Variants in FNBP1 observed in about 807,000 individuals in gnomAD.
FNBP1 encodes formin-binding protein 1.
A neutral mutation model predicts 90.6 loss-of-function variants in FNBP1; 26 were observed. The ratio of observed to expected loss-of-function variants is 0.29; its 90% CI spans 0.21 to 0.40. The LOEUF (loss-of-function observed/expected upper bound fraction) is 0.40. Among genes scored for constraint, FNBP1 ranks in the 10% least tolerant of loss-of-function variants. FNBP1 has a pLI of 1.00. For missense variants in FNBP1, 635 were observed against 768.0 expected (o/e 0.83, Z 2.05); for synonymous variants, 260 against 265.2 (o/e 0.98, Z 0.19).
At chr9:129,951,895 T>C (rs943029725) in intron 6 of FNBP1, among the ~76,000 whole-genome samples, 1 of 152,062 alleles carries the variant, frequency 6.6e-6, no homozygotes, top group African/African-American at 2.4e-5. Context: ...GTGAAAAGCA[T>C]GACAAACAAG....
At chr9:130,039,643 T>A (rs1340838882) in intron 1 of FNBP1, among the ~76,000 whole-genome samples, 1 of 143,658 alleles carries the variant, frequency 7.0e-6, no homozygotes, top group Non-Finnish European at 1.5e-5. Flanking sequence ...GACAGTGCAC[T>A]CCAGCCTGGG....
At chr9:129,942,134 G>GA (rs1419382743) in intron 6 of FNBP1, among the ~76,000 whole-genome samples, 1 of 151,172 alleles carries the variant, frequency 6.6e-6, no homozygotes, top group African/African-American at 2.4e-5. Context: ...TGTCAACCTA[G>GA]AATTCTATAT....
chr9:129,967,313 C>T (rs373397425), intron 4 of FNBP1, among the ~76,000 whole-genome samples: 315 of 152,226 alleles, frequency 2.1e-3, no homozygotes, highest in African/African-American at 7.3e-3. Context: ...GACAGGACTC[C>T]GGGATCAGCC....
At chr9:129,895,620 T>G in intron 16 of FNBP1, 1 of 1,238,174 alleles carries the variant, frequency 8.1e-7, no homozygotes. Context: ...CACATAAAAT[T>G]TCATCAGCAA....
At chr9:129,941,040 C>A (rs564459204) in intron 6 of FNBP1, among the ~76,000 whole-genome samples, 1 of 152,150 alleles carries the variant, frequency 6.6e-6, no homozygotes, top group African/African-American at 2.4e-5. Flanking sequence ...AAGGGAAATA[C>A]AAGGTCTTCA....
At chr9:129,933,393 T>A (rs201341698) in intron 6 of FNBP1, 1 of 152,330 alleles carries the variant, frequency 6.6e-6, no homozygotes, top group East Asian at 1.9e-4. Context: ...GAAGTGGCTG[T>A]GATCCTCTTC....
chr9:129,905,649 G>A (rs1303855454), intron 12 of FNBP1, among the ~76,000 whole-genome samples: 6 of 148,638 alleles, frequency 4.0e-5, no homozygotes, highest in African/African-American at 9.7e-5. Flanking sequence ...TTCTTTTTCC[G>A]ACTTCTTGAG....
chr9:130,029,284 G>A (rs1374135109), intron 1 of FNBP1, among the ~76,000 whole-genome samples: 2 of 151,830 alleles, frequency 1.3e-5, no homozygotes, highest in East Asian at 3.9e-4. Flanking sequence ...GCCACCTCTG[G>A]CTAATTTTTT....
intron 6 of FNBP1, among the ~76,000 whole-genome samples, chr9:129,938,555 T>TTTTTTTTTG (rs1381927359): frequency 6.6e-6 from 1 of 151,700 alleles, no homozygotes; most frequent in African/African-American, 2.4e-5. Context: ...TTTTTTTTTT[T>TTTTTTTTTG]GAAAACAGTC....
intron 8 of FNBP1, 31 bp downstream of exon 8, chr9:129,927,164 T>C: frequency 6.2e-7 from 1 of 1,609,094 alleles, no homozygotes; most frequent in Non-Finnish European, 8.5e-7. Context: ...CTGCAAATAG[T>C]TATCAATGAA....
intron 6 of FNBP1, among the ~76,000 whole-genome samples, chr9:129,947,984 T>TAA (rs540379042): frequency 4.4e-5 from 6 of 135,066 alleles, no homozygotes; most frequent in Non-Finnish European, 4.8e-5. Flanking sequence ...CCCTTAAATT[T>TAA]AAAAAAAAAA....
chr9:129,950,137 G>C (rs190693184), intron 6 of FNBP1, among the ~76,000 whole-genome samples: 34 of 152,326 alleles, frequency 2.2e-4, no homozygotes. Flanking sequence ...CCTCCAGTTA[G>C]CTTGACGCTG....
chr9:129,922,172 A>G lies in FNBP1; in HGVS notation c.1170+1672T>C, dbSNP rs566840984. 1.4e-4 allele frequency among the ~76,000 whole-genome samples: 22 copies of G among 152,344 alleles called. 1 individual carries two copies. The highest frequency in any genetic ancestry group is 1.4e-3 in the Admixed American group (21 of 15,300). On this transcript the variant is annotated intron_variant, in intron 10 of 16. Coordinates refer to ENST00000446176, the MANE Select transcript of FNBP1 (RefSeq NM_015033.3). ...CTGTTTACTCATTATATTCATTATA[A>G]AAGATATTTTGGGAAGGCTTAGACT... is the stretch of plus-strand genomic sequence containing the variant.
chr9:129,981,148 G>A (rs2051188041), intron 2 of FNBP1, among the ~76,000 whole-genome samples: 1 of 152,006 alleles, frequency 6.6e-6, no homozygotes, highest in South Asian at 2.1e-4. Context: ...GAGTGCAGTG[G>A]CATGATCTTG....
chr9:129,929,418 A>G, intron 7 of FNBP1, 149 bp downstream of exon 7: 8 of 750,908 alleles, frequency 1.1e-5, no homozygotes, highest in South Asian at 6.5e-5. Context: ...TCAAAAAAAA[A>G]AAAAAAAAAA....
In FNBP1 at chr9:129,961,851, G is replaced by C. The variant is rs145283392; in HGVS notation, c.346-3298C>G. Among the ~76,000 whole-genome samples, 655 of 152,294 alleles carry C rather than the reference G, an allele frequency of 4.3e-3. 6 individuals are homozygous for C. Among genetic ancestry groups the C allele is most frequent in the African/African-American group, 0.015 (618 of 41,554 alleles). The stretch of plus-strand genomic sequence containing the variant: ...TCCGCTTGCCTCGGCCTCCCAAAGT[G>C]CTGGGATTACAGGCGTGAGCCACCG... On this transcript the variant is annotated intron_variant, in intron 4 of 16. Coordinates refer to ENST00000446176, the MANE Select transcript of FNBP1 (RefSeq NM_015033.3).
At chr9:129,976,565 A>T (rs1311701323) in intron 4 of FNBP1, among the ~76,000 whole-genome samples, 1 of 152,188 alleles carries the variant, frequency 6.6e-6, no homozygotes, top group African/African-American at 2.4e-5. Flanking sequence ...AGACATTTTC[A>T]AACACCTTCC....
rs1332814533 is a variant in FNBP1 at position 129,902,857 on chromosome 9, G to A, written c.1428+12C>T. On this transcript the variant is annotated intron_variant, in intron 13 of 16. Transcript: ENST00000446176. ...GTTTCCAACAAAGCTTTCCACAACA[G>A]AAGTTTCATACCTCAAATTTCTGGG... The A allele has an allele frequency of 6.2e-7, 1 of 1,612,734 alleles. No homozygotes were observed.
At chr9:129,992,549 CTTTTT>C (rs11455680) in intron 2 of FNBP1, among the ~76,000 whole-genome samples, 1 of 92,532 alleles carries the variant, frequency 1.1e-5, no homozygotes, top group Non-Finnish European at 1.9e-5. Context: ...ACACATAGCT[CTTTTT>C]TTTTTTTTTT....
Sources: gnomAD v4.1 joint callset for allele counts (sites outside exome capture counted in the v4.1 genomes callset) on GRCh38, gnomAD v4.1.1 for gene constraint, MANE v1.5 for transcripts, NCBI Gene and HGNC (gene_info 2026-07-23, HGNC 2026-07-21) for gene names.